The following SGIP1 variants were observed in gnomAD, a reference collection of about 807,000 sequenced individuals.
SGIP1 encodes the protein SH3GL interacting endocytic adaptor 1.
In SGIP1, 38 loss-of-function variants were observed where a neutral mutation model predicts 107.5. That is an observed-to-expected ratio of 0.35 (90% CI 0.27 to 0.46). The LOEUF is 0.46. Among genes scored for constraint, SGIP1 ranks in the 20% least tolerant of loss-of-function variants. The probability of loss-of-function intolerance (pLI) is 1.00; values close to 1 mark genes in which losing one functional copy is unlikely to be tolerated. For missense variants in SGIP1, 929 were observed against 1,019.5 expected, an observed-to-expected ratio of 0.91 and a Z score of 1.21; for synonymous variants, 365 against 366.1, an observed-to-expected ratio of 1.00 and a Z score of 0.03.
In SGIP1 at chr1:66,690,766, G is replaced by A. The variant is rs1209923219; in HGVS notation, c.1570+450G>A. Among the ~76,000 whole-genome samples the A allele has an allele frequency of 3.9e-5, 6 of 152,212 alleles. No individual in the cohort carries two copies. The East Asian group carries it at 1.2e-3, about 29-fold the overall frequency. ...CATCATTTTTGGTTGTCCTTATGTT[G>A]ACAGATGATATAAACATCGGCACTG... On this transcript the variant is annotated intron_variant, in intron 17 of 24. Coordinates refer to ENST00000371037, the MANE Select transcript of SGIP1 (RefSeq NM_032291.4).
At position 66,750,827 on chromosome 1, in the gene SGIP1, A is replaced by G. The variant is rs2094612358; in HGVS notation, c.*7732A>G. 6.6e-6 allele frequency among the ~76,000 whole-genome samples: 1 copy of G among 152,252 alleles called. No homozygotes were observed. Among genetic ancestry groups the G allele is most frequent in the South Asian group, 2.1e-4 (1 of 4,834 alleles). On this transcript the variant is annotated 3_prime_UTR_variant, in exon 25 of 25. Coordinates refer to ENST00000371037, the MANE Select transcript of SGIP1 (RefSeq NM_032291.4). ...AAGCTCTCTGCTGGGCAATGGTGAC[A>G]GGAAAGTGTGTAATTGACTTGTTGA...
At chr1:66,653,272 A>G (rs1216324769) in intron 7 of SGIP1, among the ~76,000 whole-genome samples, 1 of 152,164 alleles carries the variant, frequency 6.6e-6, no homozygotes, top group Non-Finnish European at 1.5e-5. Context: ...TTAGTTTTGT[A>G]TCTGATACAT....
intron 15 of SGIP1, among the ~76,000 whole-genome samples, chr1:66,686,123 A>ACTGCTTAG (rs1229468158): frequency 6.6e-6 from 1 of 152,256 alleles, no homozygotes; most frequent in African/African-American, 2.4e-5. Flanking sequence ...TAAAAAGGTA[A>ACTGCTTAG]CTTAGCTGTG....
chr1:66,618,812 A>G (rs1297422718), intron 1 of SGIP1, among the ~76,000 whole-genome samples: 1 of 152,234 alleles, frequency 6.6e-6, no homozygotes, highest in Non-Finnish European at 1.5e-5. Context: ...ATCTTGTGAG[A>G]ACACGAATCT....
chr1:66,739,109 C>T (rs959209943), intron 21 of SGIP1, among the ~76,000 whole-genome samples: 2 of 152,090 alleles, frequency 1.3e-5, no homozygotes, highest in Admixed American at 6.5e-5. Flanking sequence ...TTAACTGACA[C>T]GAAGTGTACT....
intron 1 of SGIP1, among the ~76,000 whole-genome samples, chr1:66,549,137 GCCTTCCTTCCTT>G (rs60834683): frequency 0.17 from 24,820 of 144,374 alleles, 2,410 homozygotes; most frequent in East Asian, 0.38. Context: ...CTGGCTACCT[GCCTTCCTTCCTT>G]CCTTCCTTCC....
In SGIP1 at chr1:66,660,195, GAA is replaced by G. The variant is rs767178522; in HGVS notation, c.460-316_460-315del. ...AGAAAGAAAGAAAGAAAGAAAGAAA[GAA>G]AGAAAGAAAGAAAGAAAGAGAAAGA... On this transcript the variant is annotated intron_variant, in intron 7 of 24. Coordinates refer to ENST00000371037, the MANE Select transcript of SGIP1 (RefSeq NM_032291.4). The G allele has an allele frequency of 3.9e-4, 70 of 180,460 alleles. 1 individual carries two copies. The highest frequency in any genetic ancestry group is 2.6e-3 in the East Asian group (19 of 7,392). 11.2% of individuals were successfully genotyped at this position (180,460 alleles called of 1,614,324 possible).
At chr1:66,712,002 A>G (rs763953466) in intron 18 of SGIP1, among the ~76,000 whole-genome samples, 1 of 152,090 alleles carries the variant, frequency 6.6e-6, no homozygotes, top group Non-Finnish European at 1.5e-5. Context: ...ACTGAAGCCT[A>G]CACCCTCTGA....
At chr1:66,722,146 T>A (rs971312902) in intron 19 of SGIP1, among the ~76,000 whole-genome samples, 1 of 152,082 alleles carries the variant, frequency 6.6e-6, no homozygotes, top group Non-Finnish European at 1.5e-5. Context: ...CTCTCTTCCA[T>A]CACCCCAACC....
At chr1:66,600,374 G>C (rs1406063007) in intron 1 of SGIP1, among the ~76,000 whole-genome samples, 2 of 151,916 alleles carry the variant, frequency 1.3e-5, no homozygotes, top group Non-Finnish European at 2.9e-5. Context: ...CCCCCTCCTA[G>C]AAATGGAAGT....
At chr1:66,567,277 A>G (rs568984911) in intron 1 of SGIP1, among the ~76,000 whole-genome samples, 21 of 152,036 alleles carry the variant, frequency 1.4e-4, no homozygotes, top group Non-Finnish European at 3.1e-4. Flanking sequence ...GCTCTTTTTC[A>G]TATGTTTGTT....
intron 1 of SGIP1, among the ~76,000 whole-genome samples, chr1:66,608,844 C>T (rs1374544632): frequency 6.6e-6 from 1 of 152,182 alleles, no homozygotes; most frequent in Non-Finnish European, 1.5e-5. Context: ...CCTTCTGCTT[C>T]TTCATTTACT....
At position 66,717,127 on chromosome 1, in the gene SGIP1, C is replaced by T. The variant is rs183772910; in HGVS notation, c.1631-2167C>T. ...TTGCTCATTCTTTGAAAGAATTTAT[C>T]AAATCACTGTATTTGAATGTAGATT... On this transcript the variant is annotated intron_variant, in intron 18 of 24. Coordinates refer to ENST00000371037, the MANE Select transcript of SGIP1 (RefSeq NM_032291.4). Among the ~76,000 whole-genome samples the T allele has an allele frequency of 8.5e-5, 13 of 152,258 alleles. No individual in the cohort carries two copies. In the East Asian group the frequency reaches 2.5e-3, roughly 29 times the overall value.
intron 15 of SGIP1, 80 bp downstream of exon 15, chr1:66,682,449 C>T: frequency 1.3e-6 from 2 of 1,516,122 alleles, no homozygotes; most frequent in Non-Finnish European, 1.8e-6. Flanking sequence ...CGTCCTCCTG[C>T]CTGGCAGCTG....
At chr1:66,705,996 C>A (rs1483598817) in intron 18 of SGIP1, among the ~76,000 whole-genome samples, 1 of 151,888 alleles carries the variant, frequency 6.6e-6, no homozygotes, top group Non-Finnish European at 1.5e-5. Context: ...ATGTAACAAA[C>A]CTACACATTC....
chr1:66,656,749 T>A (rs1448493009), intron 7 of SGIP1, among the ~76,000 whole-genome samples: 2 of 152,246 alleles, frequency 1.3e-5, no homozygotes, highest in South Asian at 4.1e-4. Flanking sequence ...ATTTACTAGG[T>A]GCTCAATAAA....
chr1:66,718,452 C>G (rs1345278586), intron 18 of SGIP1, among the ~76,000 whole-genome samples: 1 of 151,956 alleles, frequency 6.6e-6, no homozygotes, highest in East Asian at 1.9e-4. Context: ...GGAGATAAAC[C>G]TAGGTTTGAA....
chr1:66,685,057 A>T (rs1415952593), intron 15 of SGIP1, among the ~76,000 whole-genome samples: 2 of 152,238 alleles, frequency 1.3e-5, no homozygotes, highest in East Asian at 1.9e-4. Context: ...GGTGGAACAT[A>T]TACAAGCTGG....
chr1:66,711,413 A>G (rs1553169391), intron 18 of SGIP1, among the ~76,000 whole-genome samples: 5 of 152,156 alleles, frequency 3.3e-5, no homozygotes, highest in Non-Finnish European at 4.4e-5. Context: ...AAATTAATTC[A>G]ATCTCTTTCC....
Sources: allele counts gnomAD v4.1 joint callset (sites outside exome capture counted in the v4.1 genomes callset), GRCh38; gene constraint gnomAD v4.1.1; transcripts MANE v1.5; gene names NCBI Gene and HGNC (gene_info 2026-07-23, HGNC 2026-07-21).